ARHGAP33: variants seen among roughly 807,000 people sequenced by gnomAD.
ARHGAP33 encodes the protein rho GTPase-activating protein 33.
Under a neutral mutation model 126.2 loss-of-function variants are expected in ARHGAP33, and 57 were observed. The ratio of observed to expected loss-of-function variants is 0.45; its 90% CI spans 0.36 to 0.56. The LOEUF is 0.56. Ranked by LOEUF, ARHGAP33 falls within the 20% of genes least tolerant of loss-of-function variation. ARHGAP33 has a pLI of 0.00. For synonymous variants in ARHGAP33, 711 were observed against 755.0 expected (o/e 0.94, Z 0.95); for missense variants, 1,500 against 1,748.3 (o/e 0.86, Z 2.53).
rs375953513 is a variant in ARHGAP33 at position 35,782,695 on chromosome 19, C to T, written c.1313+16C>T. 36 of 1,611,138 alleles carry T rather than the reference C, an allele frequency of 2.2e-5. 1 individual carries two copies. The highest frequency in any genetic ancestry group is 2.7e-5 in the Non-Finnish European group (32 of 1,178,812). On this transcript the variant is annotated intron_variant, in intron 14 of 20. Coordinates refer to ENST00000007510, the MANE Select transcript of ARHGAP33 (RefSeq NM_001366178.1). This position sits in a 1 kb window ranked among gnomAD's most constrained non-coding sequence, Gnocchi z 4.1. The stretch of plus-strand genomic sequence containing the variant: ...CACATTACAGGTAAACCAGGAGGGG[C>T]AGGGCGGGACTTGGTGGGATTCCAA...
In ARHGAP33 at chr19:35,782,178, C is replaced by T. The variant is rs145571559; in HGVS notation, c.1086-195C>T. 2.1e-3 allele frequency among the ~76,000 whole-genome samples: 322 copies of T among 152,262 alleles called. 6 individuals carry two copies. The South Asian group carries it at 0.037, about 17-fold the overall frequency. On this transcript the variant is annotated intron_variant, in intron 12 of 20. Coordinates refer to ENST00000007510, the MANE Select transcript of ARHGAP33 (RefSeq NM_001366178.1). This position sits in a 1 kb window ranked among gnomAD's most constrained non-coding sequence, Gnocchi z 4.1. ...GCCTCAGCATCCTCCTCTGTAAATG[C>T]GGCACCCTTCTCTTTGCCACACAGG...
rs1413559015 is a variant in ARHGAP33, at chr19:35,786,407, C to T, written c.1943-6C>T. The T allele has an allele frequency of 2.6e-6, 4 of 1,527,592 alleles. No individual in the cohort carries two copies. In the South Asian group the frequency reaches 4.8e-5, roughly 18 times the overall value. 94.6% of individuals were successfully genotyped at this position (1,527,592 alleles called of 1,614,324 possible). ...AGGGATGGTCTCACTGACCCCACCCCTCCAGGCCTCCAGAGGCTGCACAGG... is the reference window on the plus strand; with the variant it reads ...AGGGATGGTCTCACTGACCCCACCCTTCCAGGCCTCCAGAGGCTGCACAGG... On this transcript the variant is annotated splice_region_variant and splice_polypyrimidine_tract_variant and intron_variant, in intron 19 of 20. Coordinates refer to ENST00000007510, the MANE Select transcript of ARHGAP33 (RefSeq NM_001366178.1). This position sits in a 1 kb window ranked among gnomAD's most constrained non-coding sequence, Gnocchi z 7.0.
At position 35,785,065 on chromosome 19, in the gene ARHGAP33, G is replaced by T; in HGVS notation, c.1680G>T (p.Thr560=). Residue 560 remains threonine (T), a synonymous_variant, in exon 17 of 21, where the codon ACG becomes ACT. Coordinates refer to ENST00000007510, the MANE Select transcript of ARHGAP33 (RefSeq NM_001366178.1). Reference sequence around the variant, plus strand: ...CCCAGGGCCGGCTGGGGACGCCCACGGAGCCCACAACTCCCAAGGCCCCGG... The same window carrying T: ...CCCAGGGCCGGCTGGGGACGCCCACTGAGCCCACAACTCCCAAGGCCCCGG... ...ARTQGRLGTP[T]EPTTPKAPAS... 1 of 1,563,940 alleles carries T rather than the reference G, an allele frequency of 6.4e-7. No homozygotes were observed. Among genetic ancestry groups the T allele is most frequent in the Non-Finnish European group, 8.7e-7 (1 of 1,154,320 alleles).
At position 35,786,584 on chromosome 19, in the gene ARHGAP33, C is replaced by T; in HGVS notation, c.2114C>T (p.Ala705Val). Reference sequence around the variant, plus strand: ...GAGTCCTCAGCAGCTGGGCTGGGGGCACTCTCTGGGTCTCCCTCACACCGT... The same window carrying T: ...GAGTCCTCAGCAGCTGGGCTGGGGGTACTCTCTGGGTCTCCCTCACACCGT... ...SSESSAAGLG[A>V]LSGSPSHRTS... Residue 705 changes from alanine to valine, a missense_variant, in exon 20 of 21, where the codon GCA (alanine) becomes GTA (valine). This residue lies in a region of ARHGAP33 where 300 missense variants were observed against 291.1 expected (regional missense o/e 1.03). Transcript: ENST00000007510. The surrounding 1 kb of genome is among the most constrained non-coding windows in gnomAD (Gnocchi z 7.0). The T allele has an allele frequency of 6.5e-7, 1 of 1,535,974 alleles. No homozygotes were observed. Among genetic ancestry groups the T allele is most frequent in the Non-Finnish European group, 8.7e-7 (1 of 1,146,818 alleles).
Position 35,779,112 on chromosome 19 carries a change from C to A in ARHGAP33, c.489C>A (p.Leu163=), listed in dbSNP as rs1418834842. Residue 163 remains leucine, a synonymous_variant, in exon 6 of 21, where the codon CTC becomes CTA. Transcript: ENST00000007510. The part of the protein sequence containing the change: ...VDSNLNCGPV[L]TWMELDNHGR... Reference sequence around the variant, plus strand: ...GTAACCTCAACTGCGGGCCTGTGCTCACCTGGATGGAGGTGGGCCTGGGCA... The same window carrying A: ...GTAACCTCAACTGCGGGCCTGTGCTAACCTGGATGGAGGTGGGCCTGGGCA... 8 of 1,551,468 alleles carry A rather than the reference C, an allele frequency of 5.2e-6. No homozygotes were observed. Among genetic ancestry groups the A allele is most frequent in the Admixed American group, 2.0e-5 (1 of 50,972 alleles).
rs1298930588 is a variant in ARHGAP33, at chr19:35,787,570, A to G, written c.3005A>G (p.Gln1002Arg). 2.5e-5 allele frequency: 41 copies of G among 1,609,882 alleles called. No homozygotes were observed. Among genetic ancestry groups the G allele is most frequent in the Non-Finnish European group, 3.3e-5 (39 of 1,178,838 alleles). The part of the protein sequence containing the change: ...GLRGPAQVSA[Q>R]LRAGGGGRDA... ...CGAGGCCCTGCCCAGGTCAGTGCCC[A>G]GCTCAGGGCAGGTGGCGGGGGCAGG... Residue 1002 changes from glutamine (Q) to arginine (R), a missense_variant, in exon 21 of 21, where the codon CAG (glutamine) becomes CGG (arginine). By Grantham distance (43) the Gln-to-Arg change is conservative. This residue lies in a region of ARHGAP33 where 642 missense variants were observed against 634.0 expected (regional missense o/e 1.01). Transcript: ENST00000007510.
rs1255467786 is a variant in ARHGAP33, at chr19:35,786,441, A to C, written c.1971A>C (p.Arg657=). 6.5e-7 allele frequency: 1 copy of C among 1,534,102 alleles called. No individual in the cohort carries two copies. Among genetic ancestry groups the C allele is most frequent in the South Asian group, 1.2e-5 (1 of 83,918 alleles). The part of the protein sequence containing the change: ...AGLQRLHRLR[R]PHSSSDAFPV... Reference sequence around the variant, plus strand: ...TCCAGAGGCTGCACAGGCTGCGGCGACCCCACTCCAGCAGCGACGCTTTCC... The same window carrying C: ...TCCAGAGGCTGCACAGGCTGCGGCGCCCCCACTCCAGCAGCGACGCTTTCC... The change falls in exon 20 of 21, where the codon CGA becomes CGC. Residue 657 remains arginine (R), a synonymous_variant. Transcript: ENST00000007510. The surrounding 1 kb of genome is among the most constrained non-coding windows in gnomAD (Gnocchi z 7.0).
chr19:35,786,782 C>T lies in ARHGAP33; in HGVS notation c.2312C>T (p.Pro771Leu). 6.6e-7 allele frequency: 1 copy of T among 1,517,832 alleles called. No individual in the cohort carries two copies. The allele number at this position is 1,517,832 out of a possible 1,614,324, so 94.0% of individuals were successfully genotyped here. ...CCCCCCGCCCCTGCCTCTGCCTTCC[C>T]ACCCAGGGTGACCCCCCAGGCCATC... ...PAPPAPASAFPPRVTPQAISP... is the reference protein window; with the variant it reads ...PAPPAPASAFLPRVTPQAISP... The change falls in exon 20 of 21, where the codon CCA becomes CTA. Residue 771 changes from proline to leucine, a missense_variant. This residue lies in a region of ARHGAP33 where 73 missense variants were observed against 110.8 expected (regional missense o/e 0.66). Transcript: ENST00000007510. This position sits in a 1 kb window ranked among gnomAD's most constrained non-coding sequence, Gnocchi z 7.0.
chr19:35,784,178 G>C lies in ARHGAP33; in HGVS notation c.1428G>C (p.Met476Ile). The C allele has an allele frequency of 6.2e-7, 1 of 1,610,328 alleles. No homozygotes were observed. Among genetic ancestry groups the C allele is most frequent in the East Asian group, 2.2e-5 (1 of 44,446 alleles). Residue 476 changes from methionine (M) to isoleucine (I), a missense_variant, in exon 16 of 21, where the codon ATG (methionine) becomes ATC (isoleucine). Physicochemically the swap from Met to Ile is conservative, Grantham distance 10. This residue lies in a region of ARHGAP33 where 281 missense variants were observed against 413.7 expected (regional missense o/e 0.68). Coordinates refer to ENST00000007510, the MANE Select transcript of ARHGAP33 (RefSeq NM_001366178.1). ...TCCCGCTCCTCCCACCCAGGTCCAT[G>C]GAGCTGGAGTCAGTGGGAATGGGTG... ...IVWAPNLLRSMELESVGMGGA... is the reference protein window; with the variant it reads ...IVWAPNLLRSIELESVGMGGA...
intron 6 of ARHGAP33, among the ~76,000 whole-genome samples, chr19:35,779,439 T>G (rs1201586603): frequency 6.6e-6 from 1 of 152,090 alleles, no homozygotes; most frequent in East Asian, 1.9e-4. Context: ...GGGTTTTTTT[T>G]CTTTTCTTGA....
Position 35,788,599 on chromosome 19 carries a change from T to TTCAGTCCAGGGTA in ARHGAP33, c.*170_*171insTCAGTCCAGGGTA. On this transcript the variant is annotated 3_prime_UTR_variant, in exon 21 of 21. Transcript: ENST00000007510. ...ACCTATAATCTCAGCTTCCCTACCC[T>TTCAGTCCAGGGTA]GGACTGAAGGGTCTGCCCATCCCCC... 2 of 601,318 alleles carry TTCAGTCCAGGGTA rather than the reference T, an allele frequency of 3.3e-6. No individual in the cohort carries two copies. The highest frequency in any genetic ancestry group is 5.5e-6 in the Non-Finnish European group (2 of 364,512). The allele number at this position is 601,318 out of a possible 1,614,324, so 37.2% of individuals were successfully genotyped here. A position where few individuals can be genotyped will look rare whatever the true frequency, so the allele number is the denominator to read the frequency against.
chr19:35,781,184 TGA>T lies in ARHGAP33; in HGVS notation c.1019_1020del (p.Glu340GlyfsTer26), dbSNP rs1971756724. The T allele has an allele frequency of 6.2e-7, 1 of 1,613,466 alleles. No individual in the cohort carries two copies. Among genetic ancestry groups the T allele is most frequent in the African/African-American group, 1.3e-5 (1 of 74,820 alleles). On this transcript the variant is annotated frameshift_variant, in exon 12 of 21. Transcript: ENST00000007510. LOFTEE classifies it high-confidence loss of function. ...QVLRCCSEFI[E>X]AHGVVDGIYR... ...TGCTGCGCTGCTGCTCCGAGTTCAT[TGA>T]GGCCCACGGGGTGGTGGATGGGATC... is the stretch of plus-strand genomic sequence containing the variant.
intron 1 of ARHGAP33, among the ~76,000 whole-genome samples, chr19:35,777,273 G>C (rs1193335248): frequency 6.6e-6 from 1 of 152,174 alleles, no homozygotes; most frequent in Admixed American, 6.5e-5. Flanking sequence ...GCTGGCAGGA[G>C]GGGAGAGGCT....
chr19:35,787,885 T>C lies in ARHGAP33; in HGVS notation c.3320T>C (p.Phe1107Ser). ...GGCCCCACCCGCTCCTGGAGTCCCT[T>C]TCGCTCCATGCCCCCCGACAGGCTC... is the stretch of plus-strand genomic sequence containing the variant. ...YSGPTRSWSP[F>S]RSMPPDRLNA... The change falls in exon 21 of 21, where the codon TTT becomes TCT. Residue 1107 changes from phenylalanine (F) to serine (S), a missense_variant. By Grantham distance (155) the Phe-to-Ser change is radical. Transcript: ENST00000007510. 3 of 1,609,938 alleles carry C rather than the reference T, an allele frequency of 1.9e-6. No homozygotes were observed. The highest frequency in any genetic ancestry group is 2.5e-6 in the Non-Finnish European group (3 of 1,177,934).
Position 35,786,195 on chromosome 19 carries a change from G to T in ARHGAP33, c.1943-218G>T. 7.1e-7 allele frequency: 1 copy of T among 1,402,220 alleles called. No homozygotes were observed. Among genetic ancestry groups the T allele is most frequent in the African/African-American group, 1.4e-5 (1 of 69,048 alleles). The allele number at this position is 1,402,220 out of a possible 1,614,324, so 86.9% of individuals were successfully genotyped here. ...CTCAGCAGCTGTATGTGAATCTGTT[G>T]GTCTCGTGCTCACAGCCTGTGGGGC... On this transcript the variant is annotated intron_variant, in intron 19 of 20. Transcript: ENST00000007510. This position sits in a 1 kb window ranked among gnomAD's most constrained non-coding sequence, Gnocchi z 7.0.
rs763479735 is a variant in ARHGAP33 at position 35,782,739 on chromosome 19, G to GC, written c.1314-18dup. 6.2e-7 allele frequency: 1 copy of GC among 1,611,078 alleles called. No homozygotes were observed. Among genetic ancestry groups the GC allele is most frequent in the East Asian group, 2.2e-5 (1 of 44,748 alleles). ...ATTCCAAGGGGGTTGAGGCTCAGGT[G>GC]CCCCCTCTGCTCCCACCCCCAGGAC... On this transcript the variant is annotated intron_variant, in intron 14 of 20. Coordinates refer to ENST00000007510, the MANE Select transcript of ARHGAP33 (RefSeq NM_001366178.1). This position sits in a 1 kb window ranked among gnomAD's most constrained non-coding sequence, Gnocchi z 4.1.
rs371287672 is a variant in ARHGAP33, at chr19:35,787,962, G to A, written c.3397G>A (p.Asp1133Asn). The change falls in exon 21 of 21, where the codon GAC (aspartate) becomes AAC (asparagine). Residue 1133 changes from aspartate (D) to asparagine (N), a missense_variant. Asp to Asn is a conservative substitution (Grantham distance 23, BLOSUM62 1). Transcript: ENST00000007510. ...ATCACCCCCACTCCACAGGTCCCCC[G>A]ACTTCCTGCTCAGCTACCCGCCAGC... Reference protein sequence around the residue: ...GQSPPLHRSPDFLLSYPPAPS... With the variant: ...GQSPPLHRSPNFLLSYPPAPS... 97 of 1,409,796 alleles carry A rather than the reference G, an allele frequency of 6.9e-5. No individual in the cohort carries two copies. In the African/African-American group the frequency reaches 1.6e-3, roughly 23 times the overall value. 87.3% of individuals were successfully genotyped at this position (1,409,796 alleles called of 1,614,324 possible).
At chr19:35,779,774 A>G (rs939208013) in intron 6 of ARHGAP33, 2 of 376,100 alleles carry the variant, frequency 5.3e-6, no homozygotes, top group Non-Finnish European at 1.1e-5. Context: ...GAGTTTTGCT[A>G]TGTTGACCAG....
At position 35,785,251 on chromosome 19, in the gene ARHGAP33, T is replaced by G; in HGVS notation, c.1784T>G (p.Phe595Cys). The change falls in exon 18 of 21, where the codon TTT becomes TGT. Residue 595 changes from phenylalanine to cysteine, a missense_variant. Phe to Cys is a radical substitution (Grantham distance 205). Coordinates refer to ENST00000007510, the MANE Select transcript of ARHGAP33 (RefSeq NM_001366178.1). ...GGGGGCAGCAGCTGGAAGACGTTCT[T>G]TGCACTGGGCCGGGGCCCCAGTGTC... Reference protein sequence around the residue: ...KPGGSSWKTFFALGRGPSVPR... With the variant: ...KPGGSSWKTFCALGRGPSVPR... 1.9e-6 allele frequency: 3 copies of G among 1,591,694 alleles called. No homozygotes were observed. The highest frequency in any genetic ancestry group is 2.6e-6 in the Non-Finnish European group (3 of 1,167,824).
Sources: allele counts gnomAD v4.1 joint callset (sites outside exome capture counted in the v4.1 genomes callset), GRCh38; gene constraint gnomAD v4.1.1; regional missense constraint gnomAD v4.1.1; non-coding constraint Gnocchi (gnomAD v3.1); transcripts MANE v1.5; gene names NCBI Gene and HGNC (gene_info 2026-07-23, HGNC 2026-07-21).